Variants in ASTN2 observed in about 807,000 individuals in gnomAD.
ASTN2 encodes astrotactin 2, also known as astrotactin-2.
A neutral mutation model predicts 139.8 loss-of-function variants in ASTN2; 54 were observed. That is an observed-to-expected ratio of 0.39 (90% CI 0.31 to 0.48). ASTN2 has a LOEUF of 0.48. Ranked by LOEUF, ASTN2 falls within the 20% of genes least tolerant of loss-of-function variation. The probability of loss-of-function intolerance (pLI) is 0.95; values close to 1 mark genes in which losing one functional copy is unlikely to be tolerated. For missense variants in ASTN2, 1,565 were observed against 1,725.1 expected, an observed-to-expected ratio of 0.91 and a Z score of 1.64; for synonymous variants, 756 against 719.5, an observed-to-expected ratio of 1.05 and a Z score of -0.81.
At chr9:116,707,211 A>G (rs944921960) in intron 16 of ASTN2, among the ~76,000 whole-genome samples, 4 of 134,798 alleles carry the variant, frequency 3.0e-5, no homozygotes, top group African/African-American at 1.1e-4. Context: ...CCAAAAGCAG[A>G]TGGTTTACTA....
At chr9:116,948,810 T>TTTA (rs1835477537) in intron 10 of ASTN2, among the ~76,000 whole-genome samples, 1 of 102,658 alleles carries the variant, frequency 9.7e-6, no homozygotes, top group African/African-American at 3.0e-5. Flanking sequence ...TTTTTTTTTT[T>TTTA]GAGAAGGAGT....
intron 5 of ASTN2, among the ~76,000 whole-genome samples, chr9:117,052,087 A>G (rs540547700): frequency 9.2e-5 from 14 of 152,172 alleles, no homozygotes; most frequent in Non-Finnish European, 1.8e-4. Context: ...GACCTTCAGT[A>G]AGTCCCATTT....
At chr9:117,088,458 A>G (rs926496633) in intron 5 of ASTN2, among the ~76,000 whole-genome samples, 3 of 152,170 alleles carry the variant, frequency 2.0e-5, no homozygotes, top group African/African-American at 7.2e-5. Context: ...TCCTCTGCAG[A>G]TATGACTTGA....
chr9:116,727,716 A>G (rs1333151127), intron 15 of ASTN2, among the ~76,000 whole-genome samples: 1 of 152,164 alleles, frequency 6.6e-6, no homozygotes, highest in Non-Finnish European at 1.5e-5. Flanking sequence ...CAAAACTGCA[A>G]TCAAATCCTT....
chr9:117,024,346 A>T (rs559887668), intron 6 of ASTN2, among the ~76,000 whole-genome samples: 1 of 152,180 alleles, frequency 6.6e-6, no homozygotes, highest in Non-Finnish European at 1.5e-5. Context: ...ATAAAATTGC[A>T]ACCAATAATT....
chr9:116,825,454 G>A (rs1831600091), intron 11 of ASTN2, among the ~76,000 whole-genome samples: 1 of 152,212 alleles, frequency 6.6e-6, no homozygotes, highest in Non-Finnish European at 1.5e-5. Context: ...CTAGTTGGGA[G>A]GAATCACGAT....
chr9:116,591,807 G>A (rs1041284813), intron 19 of ASTN2, among the ~76,000 whole-genome samples: 14 of 152,236 alleles, frequency 9.2e-5, no homozygotes, highest in South Asian at 6.2e-4. Flanking sequence ...CTTGATTTGG[G>A]TACTGGTTAT....
intron 19 of ASTN2, among the ~76,000 whole-genome samples, chr9:116,520,138 C>T (rs922314239): frequency 1.4e-4 from 21 of 151,800 alleles, no homozygotes; most frequent in African/African-American, 4.8e-4. Context: ...GGGAATCCTC[C>T]GTAACATTCT....
chr9:116,996,147 C>T (rs570778211), intron 7 of ASTN2, among the ~76,000 whole-genome samples: 2 of 152,244 alleles, frequency 1.3e-5, no homozygotes, highest in East Asian at 3.9e-4. Flanking sequence ...ACCTTGGCCT[C>T]CCAAAGTGCT....
chr9:116,939,610 T>C (rs1280322287), intron 10 of ASTN2, among the ~76,000 whole-genome samples: 3 of 152,204 alleles, frequency 2.0e-5, no homozygotes, highest in African/African-American at 4.8e-5. Flanking sequence ...TGTCATTCTT[T>C]TGTATTTTTT....
At chr9:116,446,127 G>C (rs949500048) in intron 20 of ASTN2, among the ~76,000 whole-genome samples, 1 of 150,716 alleles carries the variant, frequency 6.6e-6, no homozygotes, top group Non-Finnish European at 1.5e-5. Flanking sequence ...GAGAGAGTGA[G>C]AAGTTGGGGG....
rs1564168839 is a variant in ASTN2 at position 116,632,185 on chromosome 9, G to GGGA, written c.3073-11743_3073-11742insTCC. ...GAGAGAGAGAGAGAGAGAGAGAGAGGGAGAGAGAGAGAAAGAAAGAAAAGA... is the reference window on the plus strand; with the variant it reads ...GAGAGAGAGAGAGAGAGAGAGAGAGGGGAGAGAGAGAGAGAAAGAAAGAAAAGA... On this transcript the variant is annotated intron_variant, in intron 17 of 22. Transcript: ENST00000313400. Among the ~76,000 whole-genome samples the GGGA allele has an allele frequency of 1.0e-3, 51 of 48,672 alleles. 2 individuals carry two copies. In the East Asian group the frequency reaches 0.011, roughly 11 times the overall value. 31.9% of individuals were successfully genotyped at this position (48,672 alleles called of 152,430 possible).
chr9:116,996,809 G>T (rs989547981), intron 7 of ASTN2, among the ~76,000 whole-genome samples: 1 of 151,730 alleles, frequency 6.6e-6, no homozygotes, highest in Non-Finnish European at 1.5e-5. Flanking sequence ...TATATTTATT[G>T]TAAGGTTTTG....
chr9:117,308,309 A>G (rs1218127074), intron 1 of ASTN2, among the ~76,000 whole-genome samples: 2 of 152,290 alleles, frequency 1.3e-5, no homozygotes, highest in East Asian at 3.9e-4. Context: ...ACAGCCAGAC[A>G]TTATGCTTAT....
intron 13 of ASTN2, among the ~76,000 whole-genome samples, chr9:116,745,249 A>C (rs1295122321): frequency 6.6e-6 from 1 of 152,126 alleles, no homozygotes; most frequent in African/African-American, 2.4e-5. Flanking sequence ...TTAGTTTCCA[A>C]TCCAGTCCTG....
intron 10 of ASTN2, among the ~76,000 whole-genome samples, chr9:116,894,036 A>G (rs1833826897): frequency 6.6e-6 from 1 of 152,206 alleles, no homozygotes; most frequent in South Asian, 2.1e-4. Flanking sequence ...TCTGCAGAAA[A>G]GCAATGACTA....
intron 4 of ASTN2, among the ~76,000 whole-genome samples, chr9:117,096,984 A>G (rs1032146902): frequency 6.6e-6 from 1 of 152,114 alleles, no homozygotes; most frequent in African/African-American, 2.4e-5. Context: ...GAGGATAGGG[A>G]GCTTTACTTT....
intron 16 of ASTN2, among the ~76,000 whole-genome samples, chr9:116,677,567 C>T (rs1010722770): frequency 6.6e-6 from 1 of 152,120 alleles, no homozygotes; most frequent in Non-Finnish European, 1.5e-5. Flanking sequence ...GAGAAGCATG[C>T]TATTGGCCAC....
chr9:116,622,899 A>T (rs1856236792), intron 17 of ASTN2, among the ~76,000 whole-genome samples: 1 of 152,246 alleles, frequency 6.6e-6, no homozygotes, highest in Admixed American at 6.5e-5. Context: ...AGGCACTCTC[A>T]TGAGGACAGA....
Sources: allele counts gnomAD v4.1 joint callset (sites outside exome capture counted in the v4.1 genomes callset), GRCh38; gene constraint gnomAD v4.1.1; transcripts MANE v1.5; gene names NCBI Gene and HGNC (gene_info 2026-07-23, HGNC 2026-07-21).